ANKRD26: variants seen among roughly 807,000 people sequenced by gnomAD.
ANKRD26 encodes ankyrin repeat domain 26.
ANKRD26 carries 141 observed loss-of-function variants against 208.7 expected under a neutral mutation model. The ratio of observed to expected loss-of-function variants is 0.68; its 90% CI spans 0.59 to 0.78. The LOEUF (loss-of-function observed/expected upper bound fraction) is 0.78, where lower values mean the gene tolerates loss of function less well. Ranked by LOEUF, ANKRD26 falls within the 30% of genes least tolerant of loss-of-function variation. ANKRD26 has a pLI of 0.00. For synonymous variants in ANKRD26, 636 were observed against 660.4 expected, an observed-to-expected ratio of 0.96 and a Z score of 0.57; for missense variants, 1,889 against 1,938.7, an observed-to-expected ratio of 0.97 and a Z score of 0.48.
At chr10:26,968,649 G>C in the ANKRD26 span, among the ~76,000 whole-genome samples, 2 of 152,196 alleles carry the variant, frequency 1.3e-5, no homozygotes, top group Admixed American at 6.5e-5. Context: ...TATGAAGAAA[G>C]AAAGACTTAG....
exon 6 of ANKRD26, among the ~76,000 whole-genome samples, chr10:26,975,488 A>G (rs1202894367): frequency 7.0e-6 from 1 of 142,214 alleles, no homozygotes; most frequent in African/African-American, 2.7e-5. Context: ...CAGCCTTGCA[A>G]AGTGCTGGGA....
Position 27,035,735 on chromosome 10 carries a change from T to G in ANKRD26, c.2715A>C (p.Glu905Asp). 1 of 1,607,096 alleles carries G rather than the reference T, an allele frequency of 6.2e-7. No homozygotes were observed. The highest frequency in any genetic ancestry group is 8.5e-7 in the Non-Finnish European group (1 of 1,176,066). ...TTTTATGCGATAGGTCTTTTTCTTC[T>G]TCATGACTATGAGAATTCTAAGTAA... is the stretch of plus-strand genomic sequence containing the variant. ...KMNSENSHSH[E>D]EEKDLSHKNS... The change falls in exon 24 of 34, where the codon GAA (glutamate) becomes GAC (aspartate). Residue 905 changes from glutamate to aspartate, a missense_variant. Physicochemically the swap from Glu to Asp is conservative, Grantham distance 45 (BLOSUM62 2). This residue lies in a region of ANKRD26 where 1,272 missense variants were observed against 1,273.8 expected (regional missense o/e 1.00). Transcript: ENST00000376087.
At chr10:27,029,240 G>C (rs1357314570) in intron 26 of ANKRD26, 46 bp downstream of exon 26, 1 of 1,550,644 alleles carries the variant, frequency 6.4e-7, no homozygotes, top group South Asian at 1.2e-5. Context: ...CTGCTTATTT[G>C]CTCTATAAAT....
At chr10:26,952,518 ATTAT>A in the ANKRD26 span, among the ~76,000 whole-genome samples, 73 of 148,002 alleles carry the variant, frequency 4.9e-4, no homozygotes, top group African/African-American at 1.8e-3. Flanking sequence ...TATTGAAATA[ATTAT>A]TTGTTTTTTT....
At chr10:27,030,095 G>C (rs184880160) in intron 25 of ANKRD26, among the ~76,000 whole-genome samples, 294 of 152,314 alleles carry the variant, frequency 1.9e-3, no homozygotes, top group Non-Finnish European at 2.7e-3. Context: ...TTTGCTGTTT[G>C]TGTGATTCTT....
chr10:27,037,523 T>C (rs571605794), intron 22 of ANKRD26, among the ~76,000 whole-genome samples, 200 bp from the exon 23 acceptor site: 2 of 152,330 alleles, frequency 1.3e-5, no homozygotes, highest in East Asian at 3.9e-4. Context: ...TGGTTCTTAA[T>C]AAATACAGGC....
intron 4 of ANKRD26, among the ~76,000 whole-genome samples, chr10:26,998,979 G>A (rs2052659113): frequency 1.3e-5 from 2 of 152,174 alleles, no homozygotes; most frequent in African/African-American, 4.8e-5. Flanking sequence ...GGCACCAAGA[G>A]GAAGTAAGTG....
rs759178819 is a variant in ANKRD26 at position 27,079,178 on chromosome 10, T to C, written c.741-17A>G. ...CCAGAAAGCCTTTAGAACAAAAATA[T>C]AGAAAAATGAGTGAATTCATTTCTT... On this transcript the variant is annotated splice_polypyrimidine_tract_variant and intron_variant, in intron 6 of 33. Coordinates refer to ENST00000376087, the MANE Select transcript of ANKRD26 (RefSeq NM_014915.3). 8.8e-6 allele frequency: 14 copies of C among 1,599,912 alleles called. No individual in the cohort carries two copies. Among genetic ancestry groups the C allele is most frequent in the African/African-American group, 6.7e-5 (5 of 74,586 alleles).
intron 18 of ANKRD26, among the ~76,000 whole-genome samples, 200 bp from the exon 19 acceptor site, chr10:27,044,390 T>A (rs1384386294): frequency 6.6e-6 from 1 of 151,970 alleles, no homozygotes; most frequent in Non-Finnish European, 1.5e-5. Context: ...ACAGAAAAAG[T>A]AAAAGTAAGG....
intron 4 of ANKRD26, chr10:26,995,285 C>A: frequency 2.4e-6 from 1 of 420,802 alleles, no homozygotes; most frequent in Non-Finnish European, 4.9e-6. Context: ...CAAGAGAATG[C>A]GGTACACAAA....
intron 29 of ANKRD26, among the ~76,000 whole-genome samples, chr10:27,020,204 TAG>T (rs1396158345): frequency 1.3e-5 from 2 of 152,256 alleles, no homozygotes; most frequent in African/African-American, 4.8e-5. Context: ...TATTTATGGC[TAG>T]AGAGATATTT....
At chr10:27,018,147 T>G (rs965786354) in intron 29 of ANKRD26, among the ~76,000 whole-genome samples, 2 of 150,658 alleles carry the variant, frequency 1.3e-5, no homozygotes, top group East Asian at 3.9e-4. Flanking sequence ...TATAATTTTT[T>G]TTTTTTTTTT....
intron 5 of ANKRD26, among the ~76,000 whole-genome samples, chr10:26,978,025 T>A (rs556669448): frequency 2.0e-4 from 30 of 152,312 alleles, no homozygotes; most frequent in Admixed American, 3.3e-4. Flanking sequence ...TCTCTACAGT[T>A]CTATGCATGC....
At chr10:27,058,766 C>T (rs1343092480) in intron 15 of ANKRD26, among the ~76,000 whole-genome samples, 2 of 151,054 alleles carry the variant, frequency 1.3e-5, no homozygotes, top group East Asian at 2.0e-4. Context: ...TTAGTAGAGA[C>T]GGGGTTTCAC....
intron 20 of ANKRD26, among the ~76,000 whole-genome samples, chr10:27,040,792 G>T (rs1282324285): frequency 2.0e-5 from 3 of 152,154 alleles, no homozygotes; most frequent in Admixed American, 6.5e-5. Flanking sequence ...CACTTTAGGA[G>T]GCTGAGGTGG....
chr10:27,030,161 A>G (rs919277196), intron 25 of ANKRD26, among the ~76,000 whole-genome samples: 1 of 152,230 alleles, frequency 6.6e-6, no homozygotes, highest in African/African-American at 2.4e-5. Context: ...TGGCATGCCA[A>G]TGGAAGTGGT....
rs528100649 is a variant in ANKRD26, at chr10:26,993,824, T to C, written c.*29+1217A>G. Among the ~76,000 whole-genome samples the C allele has an allele frequency of 3.3e-5, 5 of 152,280 alleles. No individual in the cohort carries two copies. The East Asian group carries it at 9.7e-4, about 29-fold the overall frequency. On this transcript the variant is annotated intron_variant, in intron 5 of 5. Coordinates refer to the ANKRD26 transcript ENST00000445828. ...TGGAGCCATTGGAAAGAGGCATGAG[T>C]CTGCATATCCAGGAGGCATCTTTTT...
intron 27 of ANKRD26, among the ~76,000 whole-genome samples, chr10:27,027,038 G>A (rs934834316): frequency 3.9e-5 from 6 of 152,064 alleles, no homozygotes; most frequent in Admixed American, 2.6e-4. Flanking sequence ...CACCCGCCTC[G>A]GCCTCCCAAA....
chr10:27,013,202 A>T lies in ANKRD26; in HGVS notation c.4725-92T>A, dbSNP rs78034551. ...GCAATTTTTAAAAAGTTACCATAGG[A>T]GTAAATGAAATTTCCCATTAACCAG... On this transcript the variant is annotated intron_variant, in intron 31 of 33. Coordinates refer to ENST00000376087, the MANE Select transcript of ANKRD26 (RefSeq NM_014915.3). 1.3e-3 allele frequency: 1,470 copies of T among 1,097,964 alleles called. 5 individuals are homozygous for T. The highest frequency in any genetic ancestry group is 2.0e-3 in the Admixed American group (103 of 50,594). The allele number at this position is 1,097,964 out of a possible 1,614,324, so 68.0% of individuals were successfully genotyped here.
Sources: allele counts gnomAD v4.1 joint callset (sites outside exome capture counted in the v4.1 genomes callset), GRCh38; gene constraint gnomAD v4.1.1; regional missense constraint gnomAD v4.1.1; transcripts MANE v1.5; gene names NCBI Gene and HGNC (gene_info 2026-07-23, HGNC 2026-07-21).